The following CYFIP1 variants were observed in gnomAD, a reference collection of about 807,000 sequenced individuals.
The protein encoded by CYFIP1 is cytoplasmic FMR1-interacting protein 1.
A neutral mutation model predicts 163.5 loss-of-function variants in CYFIP1; 58 were observed. The observed-to-expected ratio is 0.35, with a 90% CI of 0.29 to 0.44. The LOEUF (loss-of-function observed/expected upper bound fraction) is 0.44, where lower values mean the gene tolerates loss of function less well. CYFIP1 is among the 20% of genes least tolerant of loss of function. The pLI is 1.00. For missense variants in CYFIP1, 1,338 were observed against 1,653.8 expected (o/e 0.81, Z 3.31); for synonymous variants, 663 against 660.7 (o/e 1.00, Z -0.05).
In CYFIP1 at chr15:22,869,860, A is replaced by G. The variant is rs998073612; in HGVS notation, c.*168T>C. ...TTCCTAATTACCAAAAGCATATACA[A>G]TTTTAGTCTAGAAAAATAAGTCAAT... On this transcript the variant is annotated 3_prime_UTR_variant, in exon 31 of 31. Transcript: ENST00000617928. The G allele has an allele frequency of 1.8e-6, 1 of 543,084 alleles. No homozygotes were observed. Among genetic ancestry groups the G allele is most frequent in the African/African-American group, 2.0e-5 (1 of 50,508 alleles). The allele number at this position is 543,084 out of a possible 1,614,324, so 33.6% of individuals were successfully genotyped here. A position where few individuals can be genotyped will look rare whatever the true frequency, so the allele number is the denominator to read the frequency against.
chr15:22,874,034 C>G (rs1261856433), intron 28 of CYFIP1, among the ~76,000 whole-genome samples: 1 of 152,210 alleles, frequency 6.6e-6, no homozygotes, highest in Non-Finnish European at 1.5e-5. Flanking sequence ...CCCCGGTGCC[C>G]GGCCCTGGAA....
chr15:22,976,160 TTC>T (rs1480539479), intron 1 of CYFIP1, among the ~76,000 whole-genome samples: 5 of 152,096 alleles, frequency 3.3e-5, no homozygotes, highest in Non-Finnish European at 5.9e-5. Flanking sequence ...AAATTTAATT[TTC>T]TTTTTTTTTT....
chr15:22,980,151 AGGCCGCGCCGCCG>A (rs1382501227), intron 1 of CYFIP1, 123 bp downstream of exon 1: 26 of 79,638 alleles, frequency 3.3e-4, no homozygotes, highest in African/African-American at 1.1e-3. Context: ...GCCGCCGGGG[AGGCCGCGCCGCCG>A]GGGTTGGGGG....
intron 1 of CYFIP1, among the ~76,000 whole-genome samples, chr15:22,951,088 G>C (rs1014687756): frequency 3.3e-5 from 5 of 152,044 alleles, no homozygotes; most frequent in African/African-American, 1.2e-4. Context: ...GCGGGGTGTT[G>C]GGCCGGTTCC....
At chr15:22,978,170 G>A (rs1186088709) in intron 1 of CYFIP1, among the ~76,000 whole-genome samples, 1 of 151,504 alleles carries the variant, frequency 6.6e-6, no homozygotes, top group African/African-American at 2.4e-5. Flanking sequence ...TGGGCAACAT[G>A]GCAAAACCCC....
At chr15:22,882,323 C>T (rs2059790794) in intron 24 of CYFIP1, among the ~76,000 whole-genome samples, 1 of 152,190 alleles carries the variant, frequency 6.6e-6, no homozygotes, top group Admixed American at 6.5e-5. Context: ...GTGGTGAGGT[C>T]AGCAATCCTA....
intron 9 of CYFIP1, among the ~76,000 whole-genome samples, chr15:22,935,625 G>A (rs996383479): frequency 5.9e-5 from 9 of 152,090 alleles, no homozygotes; most frequent in Admixed American, 5.9e-4. Flanking sequence ...GCTACTGGAG[G>A]CAGGAGGAGG....
chr15:22,955,754 A>G (rs906455587), intron 1 of CYFIP1, among the ~76,000 whole-genome samples: 7 of 152,192 alleles, frequency 4.6e-5, no homozygotes, highest in Non-Finnish European at 7.4e-5. Flanking sequence ...TCAGGGCATC[A>G]GCCAGTGCCT....
rs1302503412 is a variant in CYFIP1, at chr15:22,869,492, C to G, written c.*536G>C. The G allele has an allele frequency of 6.6e-6, 1 of 152,174 alleles. No homozygotes were observed. The allele number at this position is 152,174 out of a possible 1,614,324, so 9.4% of individuals were successfully genotyped here. A position where few individuals can be genotyped will look rare whatever the true frequency, so the allele number is the denominator to read the frequency against. ...GATCTCATTAGTTTTATTTCTATAACCTTTCGATCTGATGTCACGTTAGAT... is the reference window on the plus strand; with the variant it reads ...GATCTCATTAGTTTTATTTCTATAAGCTTTCGATCTGATGTCACGTTAGAT... On this transcript the variant is annotated 3_prime_UTR_variant, in exon 31 of 31. Transcript: ENST00000617928.
rs932974210 is a variant in CYFIP1, at chr15:22,917,090, A to G, written c.1675-460T>C. On this transcript the variant is annotated intron_variant, in intron 15 of 30. Transcript: ENST00000617928. This position sits in a 1 kb window ranked among gnomAD's most constrained non-coding sequence, Gnocchi z 4.2. ...GAGACGTTAGTCACTCGACACACACACCCCAGGCAGGGACACGGGACGCAC... is the reference window on the plus strand; with the variant it reads ...GAGACGTTAGTCACTCGACACACACGCCCCAGGCAGGGACACGGGACGCAC... 1.4e-6 allele frequency: 2 copies of G among 1,470,232 alleles called. No individual in the cohort carries two copies. Among genetic ancestry groups the G allele is most frequent in the Middle Eastern group, 4.6e-4 (2 of 4,314 alleles). 91.1% of individuals were successfully genotyped at this position (1,470,232 alleles called of 1,614,324 possible). A position where few individuals can be genotyped will look rare whatever the true frequency, so the allele number is the denominator to read the frequency against.
intron 11 of CYFIP1, among the ~76,000 whole-genome samples, chr15:22,928,634 G>A (rs1393372283): frequency 2.0e-5 from 3 of 152,132 alleles, no homozygotes; most frequent in Admixed American, 6.5e-5. Context: ...CACAAGTCAC[G>A]TGGGTTTGCT....
At chr15:22,909,419 C>T in intron 20 of CYFIP1, 106 bp from the exon 21 acceptor site, 2 of 1,434,496 alleles carry the variant, frequency 1.4e-6, no homozygotes, top group East Asian at 2.3e-5. Context: ...TCAATAACGA[C>T]ACCCTTTACA....
In CYFIP1 at chr15:22,912,375, C is replaced by G; in HGVS notation, c.1986-100G>C. On this transcript the variant is annotated intron_variant, in intron 17 of 30. Transcript: ENST00000617928. Reference sequence around the variant, plus strand: ...AGAAACTCAACTCCATTTTCCACCTCTCACGTAAGGAAAAACAACTTTCAC... The same window carrying G: ...AGAAACTCAACTCCATTTTCCACCTGTCACGTAAGGAAAAACAACTTTCAC... 6.9e-6 allele frequency: 6 copies of G among 867,802 alleles called. No individual in the cohort carries two copies. In the South Asian group the frequency reaches 8.8e-5, roughly 13 times the overall value. 53.8% of individuals were successfully genotyped at this position (867,802 alleles called of 1,614,324 possible). A position where few individuals can be genotyped will look rare whatever the true frequency, so the allele number is the denominator to read the frequency against.
intron 12 of CYFIP1, 137 bp from the exon 13 acceptor site, chr15:22,926,244 G>T: frequency 7.9e-7 from 1 of 1,266,616 alleles, no homozygotes; most frequent in African/African-American, 1.5e-5. Context: ...ACATGAGGGC[G>T]CACACACCGT....
At chr15:22,936,635 C>T (rs942308262) in intron 9 of CYFIP1, among the ~76,000 whole-genome samples, 1 of 152,162 alleles carries the variant, frequency 6.6e-6, no homozygotes, top group Non-Finnish European at 1.5e-5. Context: ...CTGTGACCCC[C>T]GGTCCCTCTC....
chr15:22,927,932 G>C lies in CYFIP1; in HGVS notation c.1207C>G (p.Gln403Glu). The change falls in exon 12 of 31, where the codon CAG becomes GAG. Residue 403 changes from glutamine to glutamate, a missense_variant. Gln to Glu is a conservative substitution (Grantham distance 29). Around this residue, in one of 4 missense-constraint regions of CYFIP1, gnomAD observed 824 missense variants for 995.7 expected, o/e 0.83. Transcript: ENST00000617928. ...ACTTCCATCACGTGCGCGCTCCACT[G>C]CGACAACAGCTGCAGGCCCTGCAGC... ...LALQGLQLLSQWSAHVMEVYS... is the reference protein window; with the variant it reads ...LALQGLQLLSEWSAHVMEVYS... 2 of 1,606,764 alleles carry C rather than the reference G, an allele frequency of 1.2e-6. No individual in the cohort carries two copies. Among genetic ancestry groups the C allele is most frequent in the Non-Finnish European group, 8.5e-7 (1 of 1,178,150 alleles).
At chr15:22,979,573 C>T (rs2140301369) in intron 1 of CYFIP1, among the ~76,000 whole-genome samples, 1 of 152,330 alleles carries the variant, frequency 6.6e-6, no homozygotes, top group African/African-American at 2.4e-5. Context: ...CCCCTCTCAG[C>T]TTAAAACACG....
At chr15:22,936,119 A>C (rs1446201378) in intron 9 of CYFIP1, among the ~76,000 whole-genome samples, 1 of 152,120 alleles carries the variant, frequency 6.6e-6, no homozygotes, top group Non-Finnish European at 1.5e-5. Flanking sequence ...TAAAAGTTTA[A>C]AAACTAGCCA....
chr15:22,897,331 A>G (rs1433021112), intron 22 of CYFIP1, among the ~76,000 whole-genome samples: 2 of 151,924 alleles, frequency 1.3e-5, no homozygotes, highest in African/African-American at 4.8e-5. Context: ...AAAAAAAGAG[A>G]GAGTGTTGAA....
Sources: allele counts gnomAD v4.1 joint callset (sites outside exome capture counted in the v4.1 genomes callset), GRCh38; gene constraint gnomAD v4.1.1; regional missense constraint gnomAD v4.1.1; non-coding constraint Gnocchi (gnomAD v3.1); transcripts MANE v1.5; gene names NCBI Gene and HGNC (gene_info 2026-07-23, HGNC 2026-07-21).